The following MAPK11 variants were observed in gnomAD, a reference collection of about 807,000 sequenced individuals.
MAPK11 encodes MAP kinase 11.
MAPK11 carries 44 observed loss-of-function variants against 52.2 expected under a neutral mutation model. The ratio of observed to expected loss-of-function variants is 0.84; its 90% CI spans 0.66 to 1.08. The LOEUF (loss-of-function observed/expected upper bound fraction) is 1.08. MAPK11 is among the 50% of genes least tolerant of loss of function. MAPK11 has a pLI of 0.00. For missense variants in MAPK11, 436 were observed against 494.7 expected (o/e 0.88, Z 1.13); for synonymous variants, 233 against 206.3 (o/e 1.13, Z -1.11).
chr22:50,269,236 T>TG (rs2065289366), intron 1 of MAPK11, among the ~76,000 whole-genome samples: 1 of 152,144 alleles, frequency 6.6e-6, no homozygotes, highest in Non-Finnish European at 1.5e-5. Flanking sequence ...CAGCTTCTGA[T>TG]GGAAGGCTAG....
Position 50,265,321 on chromosome 22 carries a change from C to G in MAPK11, c.1015G>C (p.Glu339Gln). The G allele has an allele frequency of 6.2e-7, 1 of 1,612,892 alleles. No individual in the cohort carries two copies. The highest frequency in any genetic ancestry group is 8.5e-7 in the Non-Finnish European group (1 of 1,179,888). The change falls in exon 11 of 12, where the codon GAG (glutamate) becomes CAG (glutamine). Residue 339 changes from glutamate (E) to glutamine (Q), a missense_variant and splice_region_variant. Glu to Gln is a conservative substitution (Grantham distance 29). Transcript: ENST00000330651. ...CACCCCCAGCCACTGCCATGCTCAC[C>G]CTTCCACTCCTCCAGCGTGCGCTCC... ...AKERTLEEWK[E>Q]LTYQEVLSFK...
In MAPK11 at chr22:50,270,325, G is replaced by A. The variant is rs1330542227; in HGVS notation, c.-33C>T. The A allele has an allele frequency of 4.4e-6, 4 of 902,544 alleles. No individual in the cohort carries two copies. Among genetic ancestry groups the A allele is most frequent in the Non-Finnish European group, 5.6e-6 (4 of 719,092 alleles). The allele number at this position is 902,544 out of a possible 1,614,324, so 55.9% of individuals were successfully genotyped here. A position where few individuals can be genotyped will look rare whatever the true frequency, so the allele number is the denominator to read the frequency against. ...GCAGCCGCCGCTCCGCCCGGGCCCA[G>A]CCCCGCGCCCCGCGCCCGCGCCCGA... On this transcript the variant is annotated 5_prime_UTR_variant, in exon 1 of 12. Transcript: ENST00000330651. This position sits in a 1 kb window ranked among gnomAD's most constrained non-coding sequence, Gnocchi z 6.3.
At position 50,269,849 on chromosome 22, in the gene MAPK11, C is replaced by A. The variant is rs191527269; in HGVS notation, c.116+328G>T. Among the ~76,000 whole-genome samples, 101 of 152,314 alleles carry A rather than the reference C, an allele frequency of 6.6e-4. 1 individual carries two copies. The East Asian group carries it at 0.018, about 28-fold the overall frequency. On this transcript the variant is annotated intron_variant, in intron 1 of 11. Transcript: ENST00000330651. Reference sequence around the variant, plus strand: ...AGGTGGGTGCTCAGACGTTTAGGGGCCCGGACATCAGGGTGGCTCGGGGCT... The same window carrying A: ...AGGTGGGTGCTCAGACGTTTAGGGGACCGGACATCAGGGTGGCTCGGGGCT...
rs1363831947 is a variant in MAPK11, at chr22:50,268,014, C to G, written c.117-65G>C. 36 of 1,346,596 alleles carry G rather than the reference C, an allele frequency of 2.7e-5. No homozygotes were observed. In the South Asian group the frequency reaches 5.2e-4, roughly 20 times the overall value. 83.4% of individuals were successfully genotyped at this position (1,346,596 alleles called of 1,614,324 possible). On this transcript the variant is annotated intron_variant, in intron 1 of 11. Coordinates refer to ENST00000330651, the MANE Select transcript of MAPK11 (RefSeq NM_002751.7). The stretch of plus-strand genomic sequence containing the variant: ...GAGGGCGGCCGCACGCGCGTGGACC[C>G]GGGCGGCGTCCCTCTCGCCGCTTCT...
At position 50,267,897 on chromosome 22, in the gene MAPK11, G is replaced by A; in HGVS notation, c.169C>T (p.Arg57Cys). The A allele has an allele frequency of 1.3e-6, 2 of 1,587,600 alleles. No individual in the cohort carries two copies. The highest frequency in any genetic ancestry group is 1.7e-6 in the Non-Finnish European group (2 of 1,169,646). Residue 57 changes from arginine to cysteine, a missense_variant, in exon 2 of 12, where the codon CGC (arginine) becomes TGC (cysteine). Coordinates refer to ENST00000330651, the MANE Select transcript of MAPK11 (RefSeq NM_002751.7). Reference sequence around the variant, plus strand: ...GCGTGGATCAGCGACTGGAAGGGGCGCGACAGCTTCTTCACCGCCACCTTC... The same window carrying A: ...GCGTGGATCAGCGACTGGAAGGGGCACGACAGCTTCTTCACCGCCACCTTC... Reference protein sequence around the residue: ...RQKVAVKKLSRPFQSLIHARR... With the variant: ...RQKVAVKKLSCPFQSLIHARR...
chr22:50,265,381 C>A lies in MAPK11; in HGVS notation c.955G>T (p.Glu319Ter). 6.2e-7 allele frequency: 1 copy of A among 1,613,146 alleles called. No individual in the cohort carries two copies. Among genetic ancestry groups the A allele is most frequent in the East Asian group, 2.2e-5 (1 of 44,882 alleles). ...ACGCTCTCATCATATGGCTCGGCCT[C>A]TGGCTCATCCTCGGGGTCGTGGTAC... is the stretch of plus-strand genomic sequence containing the variant. ...SQYHDPEDEP[E>*]AEPYDESVEA... Residue 319 changes from glutamate to a stop codon, truncating the protein, a stop_gained, in exon 11 of 12, where the codon GAG becomes TAG. Transcript: ENST00000330651. LOFTEE classifies it high-confidence loss of function.
chr22:50,269,230 T>C (rs2065289300), intron 1 of MAPK11, among the ~76,000 whole-genome samples: 2 of 152,172 alleles, frequency 1.3e-5, no homozygotes, highest in Non-Finnish European at 2.9e-5. Flanking sequence ...CACCTACAGC[T>C]TCTGATGGAA....
intron 1 of MAPK11, 49 bp from the exon 2 acceptor site, chr22:50,267,998 C>T (rs2065280470): frequency 6.7e-7 from 1 of 1,485,222 alleles, no homozygotes; most frequent in Non-Finnish European, 8.9e-7. Context: ...CGAGGGCGGC[C>T]GCACGCGCGT....
In MAPK11 at chr22:50,267,380, G is replaced by T; in HGVS notation, c.408C>A (p.Arg136=). The change falls in exon 4 of 12, where the codon CGC becomes CGA. Residue 136 remains arginine (R), a synonymous_variant. Transcript: ENST00000330651. ...GCCCAGGGCGCCCCACCTTCAGCCC[G>T]CGCAGCAGCTGGTAAACCAGGAATT... is the stretch of plus-strand genomic sequence containing the variant. ...HVQFLVYQLL[R]GLKYIHSAGI... 2.1e-6 allele frequency: 3 copies of T among 1,397,012 alleles called. 1 individual carries two copies. In the South Asian group the frequency reaches 3.4e-5, roughly 16 times the overall value. 86.5% of individuals were successfully genotyped at this position (1,397,012 alleles called of 1,614,324 possible). A position where few individuals can be genotyped will look rare whatever the true frequency, so the allele number is the denominator to read the frequency against.
In MAPK11 at chr22:50,265,020, A is replaced by C; in HGVS notation, c.1023T>G (p.Thr341=). 1 of 1,612,998 alleles carries C rather than the reference A, an allele frequency of 6.2e-7. No homozygotes were observed. The highest frequency in any genetic ancestry group is 8.5e-7 in the Non-Finnish European group (1 of 1,179,562). Residue 341 remains threonine, a synonymous_variant, in exon 12 of 12, where the codon ACT becomes ACG. Coordinates refer to ENST00000330651, the MANE Select transcript of MAPK11 (RefSeq NM_002751.7). Reference sequence around the variant, plus strand: ...GCTTGAAGCTGAGGACTTCCTGGTAAGTGAGCTCTAGGAGGTGAAGGGAAA... The same window carrying C: ...GCTTGAAGCTGAGGACTTCCTGGTACGTGAGCTCTAGGAGGTGAAGGGAAA... ...ERTLEEWKEL[T]YQEVLSFKPP... is the part of the protein sequence containing the mutation.
At chr22:50,268,519 G>A (rs949797302) in intron 1 of MAPK11, among the ~76,000 whole-genome samples, 4 of 152,294 alleles carry the variant, frequency 2.6e-5, no homozygotes, top group South Asian at 2.1e-4. Flanking sequence ...AGCTGAGGGC[G>A]TCAGCTGGAC....
At chr22:50,266,685 C>T in intron 7 of MAPK11, 74 bp from the exon 8 acceptor site, 5 of 1,437,162 alleles carry the variant, frequency 3.5e-6, no homozygotes, top group Non-Finnish European at 4.8e-6. Flanking sequence ...ACAGTCACAT[C>T]CAGACCCCAA....
At position 50,270,162 on chromosome 22, in the gene MAPK11, C is replaced by A; in HGVS notation, c.116+15G>T. ...GCCCGGCCCCCACCCAGCACCCCTT[C>A]TGCCCCGCCCCTACCAGACGGAGCC... is the stretch of plus-strand genomic sequence containing the variant. On this transcript the variant is annotated intron_variant, in intron 1 of 11. Transcript: ENST00000330651. The surrounding 1 kb of genome is among the most constrained non-coding windows in gnomAD (Gnocchi z 6.3). The A allele has an allele frequency of 1.5e-6, 2 of 1,339,082 alleles. No homozygotes were observed. Among genetic ancestry groups the A allele is most frequent in the Non-Finnish European group, 2.0e-6 (2 of 1,024,802 alleles). 83.0% of individuals were successfully genotyped at this position (1,339,082 alleles called of 1,614,324 possible).
intron 11 of MAPK11, 121 bp downstream of exon 11, chr22:50,265,200 C>A: frequency 7.1e-7 from 1 of 1,401,196 alleles, no homozygotes; most frequent in Non-Finnish European, 9.9e-7. Flanking sequence ...CCAGCCTGTG[C>A]TGGACACCTG....
At chr22:50,269,685 A>G (rs2065292747) in intron 1 of MAPK11, among the ~76,000 whole-genome samples, 1 of 151,894 alleles carries the variant, frequency 6.6e-6, no homozygotes, top group Admixed American at 6.6e-5. Context: ...TCTGAGGGGG[A>G]GTCTGAGGCC....
At chr22:50,266,742 G>A in intron 7 of MAPK11, 131 bp from the exon 8 acceptor site, 3 of 1,021,206 alleles carry the variant, frequency 2.9e-6, no homozygotes, top group Non-Finnish European at 3.0e-6. Context: ...CCTAGGCAGG[G>A]GGAGGTCCAT....
chr22:50,265,164 C>T (rs987673595), intron 11 of MAPK11, 137 bp from the exon 12 acceptor site: 5 of 1,236,854 alleles, frequency 4.0e-6, no homozygotes, highest in Admixed American at 1.9e-5. Context: ...CCAGAACCTG[C>T]CCTGTGTCAC....
rs530545117 is a variant in MAPK11, at chr22:50,267,013, C to G, written c.531G>C (p.Glu177Asp). 5 of 1,612,596 alleles carry G rather than the reference C, an allele frequency of 3.1e-6. No homozygotes were observed. In the East Asian group the frequency reaches 8.9e-5, roughly 29 times the overall value. The change falls in exon 7 of 12, where the codon GAG becomes GAC. Residue 177 changes from glutamate to aspartate, a missense_variant. Physicochemically the swap from Glu to Asp is conservative, Grantham distance 45 (BLOSUM62 2). Transcript: ENST00000330651. ...LDFGLARQAD[E>D]EMTGYVATRW... ...GCGTGGCCACATAGCCGGTCATCTC[C>G]TCGTCCGCCTGGCGCGCCAGCCCAA... is the stretch of plus-strand genomic sequence containing the variant.
At position 50,264,849 on chromosome 22, in the gene MAPK11, T is replaced by C. The variant is rs201988129; in HGVS notation, c.*99A>G. On this transcript the variant is annotated 3_prime_UTR_variant, in exon 12 of 12. Coordinates refer to ENST00000330651, the MANE Select transcript of MAPK11 (RefSeq NM_002751.7). ...GTCCTAGGCCAGAAGTCTGTGACCA[T>C]AGGAGTGTGGGAGGTGCCTCTCGAG... 1,121 of 885,658 alleles carry C rather than the reference T, an allele frequency of 1.3e-3. 26 individuals are homozygous for C. In the South Asian group the frequency reaches 0.017, roughly 13 times the overall value. 54.9% of individuals were successfully genotyped at this position (885,658 alleles called of 1,614,324 possible).
Sources: gnomAD v4.1 joint callset for allele counts (sites outside exome capture counted in the v4.1 genomes callset) on GRCh38, gnomAD v4.1.1 for gene constraint, Gnocchi (gnomAD v3.1) non-coding constraint, MANE v1.5 for transcripts, NCBI Gene and HGNC (gene_info 2026-07-23, HGNC 2026-07-21) for gene names.